ZNF292: variants seen among roughly 807,000 people sequenced by gnomAD.
ZNF292 encodes the protein 16 zinc-finger domain protein.
Under a neutral mutation model 217.9 loss-of-function variants are expected in ZNF292, and 26 were observed. That is an observed-to-expected ratio of 0.12 (90% CI 0.09 to 0.17). The LOEUF (loss-of-function observed/expected upper bound fraction) is 0.17. ZNF292 is among the 10% of genes least tolerant of loss of function. The pLI is 1.00. For missense variants in ZNF292, 2,904 were observed against 3,175.2 expected (o/e 0.91, Z 2.05); for synonymous variants, 1,257 against 1,124.1 (o/e 1.12, Z -2.37).
chr6:87,227,979 G>A (rs1033204678), intron 4 of ZNF292, among the ~76,000 whole-genome samples: 2 of 152,242 alleles, frequency 1.3e-5, no homozygotes, highest in African/African-American at 2.4e-5. Context: ...TAGCTGGATC[G>A]TATGGTAGCT....
chr6:87,259,460 T>G lies in ZNF292; in HGVS notation c.5831T>G (p.Phe1944Cys). The G allele has an allele frequency of 6.3e-7, 1 of 1,589,218 alleles. No individual in the cohort carries two copies. Among genetic ancestry groups the G allele is most frequent in the Non-Finnish European group, 8.6e-7 (1 of 1,166,392 alleles). Residue 1944 changes from phenylalanine (F) to cysteine (C), a missense_variant, in exon 8 of 8, where the codon TTT becomes TGT. Physicochemically the swap from Phe to Cys is radical, Grantham distance 205 (BLOSUM62 -2). This residue lies in a region of ZNF292 where 50 missense variants were observed against 90.5 expected (regional missense o/e 0.55). Transcript: ENST00000369577. ...GAAATTAAGAAGAATCAATTGAAAT[T>G]TGCTCCCTTTAAATGTGTAGTACCT... Reference protein sequence around the residue: ...ILEIKKNQLKFAPFKCVVPTC... With the variant: ...ILEIKKNQLKCAPFKCVVPTC...
In ZNF292 at chr6:87,263,989, G is replaced by A. The variant is rs964042448; in HGVS notation, c.*2188G>A. On this transcript the variant is annotated 3_prime_UTR_variant, in exon 8 of 8. Transcript: ENST00000369577. ...TTCTAATTGTTTTACATGTCATGGG[G>A]AAGAGTTTGCCAACATTTAATGAAA... 2.0e-5 allele frequency: 3 copies of A among 152,036 alleles called. No individual in the cohort carries two copies. Among genetic ancestry groups the A allele is most frequent in the Admixed American group, 1.3e-4 (2 of 15,262 alleles). 9.4% of individuals were successfully genotyped at this position (152,036 alleles called of 1,614,324 possible). A position where few individuals can be genotyped will look rare whatever the true frequency, so the allele number is the denominator to read the frequency against.
At chr6:87,240,185 A>G (rs1774197883) in intron 5 of ZNF292, among the ~76,000 whole-genome samples, 1 of 152,152 alleles carries the variant, frequency 6.6e-6, no homozygotes, top group African/African-American at 2.4e-5. Context: ...CCCCGTCTCC[A>G]CCAAAAAAAT....
chr6:87,163,437 C>T (rs1174534372), intron 1 of ZNF292, among the ~76,000 whole-genome samples: 2 of 150,852 alleles, frequency 1.3e-5, no homozygotes, highest in Admixed American at 6.6e-5. Flanking sequence ...GGTGACAGAT[C>T]GAGACTTCGC....
intron 1 of ZNF292, among the ~76,000 whole-genome samples, chr6:87,210,366 C>CT (rs760049985): frequency 6.6e-6 from 1 of 152,026 alleles, no homozygotes; most frequent in Non-Finnish European, 1.5e-5. Flanking sequence ...CAAAAGTCTC[C>CT]TTAAGAGGGG....
chr6:87,251,755 A>G (rs1217242999), intron 7 of ZNF292, among the ~76,000 whole-genome samples: 1 of 152,260 alleles, frequency 6.6e-6, no homozygotes, highest in Non-Finnish European at 1.5e-5. Flanking sequence ...CTTATTTTCA[A>G]GTACACACAT....
At chr6:87,251,759 C>T (rs1774930696) in intron 7 of ZNF292, among the ~76,000 whole-genome samples, 2 of 152,094 alleles carry the variant, frequency 1.3e-5, no homozygotes, top group African/African-American at 4.8e-5. Flanking sequence ...TTTTCAAGTA[C>T]ACACATGAAA....
At chr6:87,189,579 T>C (rs1486115687) in intron 1 of ZNF292, among the ~76,000 whole-genome samples, 2 of 152,174 alleles carry the variant, frequency 1.3e-5, no homozygotes, top group Non-Finnish European at 2.9e-5. Context: ...TAATGTATTA[T>C]GTAGAATATA....
chr6:87,206,067 A>G (rs1230149509), intron 1 of ZNF292, among the ~76,000 whole-genome samples: 7 of 152,186 alleles, frequency 4.6e-5, no homozygotes, highest in Non-Finnish European at 1.5e-5. Flanking sequence ...GAGCAACAGG[A>G]TGACATCTAC....
chr6:87,231,774 AGT>A (rs1562158971), intron 4 of ZNF292, among the ~76,000 whole-genome samples: 1 of 152,114 alleles, frequency 6.6e-6, no homozygotes. Context: ...GATCTTTTAG[AGT>A]GTGTTGATTG....
At position 87,260,182 on chromosome 6, in the gene ZNF292, G is replaced by A. The variant is rs1304796731; in HGVS notation, c.6553G>A (p.Ala2185Thr). Residue 2185 changes from alanine to threonine, a missense_variant, in exon 8 of 8, where the codon GCA becomes ACA. This residue lies in a region of ZNF292 where 261 missense variants were observed against 272.8 expected (regional missense o/e 0.96). Transcript: ENST00000369577. ...AAGTGACTGTTCTCGAATTTTCCAA[G>A]CAATTACTGGCCTAATACAACACTA... is the stretch of plus-strand genomic sequence containing the variant. Reference protein sequence around the residue: ...QVSDCSRIFQAITGLIQHYMK... With the variant: ...QVSDCSRIFQTITGLIQHYMK... 1.2e-6 allele frequency: 2 copies of A among 1,612,636 alleles called. No homozygotes were observed. Among genetic ancestry groups the A allele is most frequent in the African/African-American group, 2.7e-5 (2 of 74,868 alleles).
At chr6:87,238,824 T>C (rs552791351) in intron 5 of ZNF292, among the ~76,000 whole-genome samples, 1 of 151,730 alleles carries the variant, frequency 6.6e-6, no homozygotes, top group South Asian at 2.1e-4. Context: ...CAGAGGACCC[T>C]GGGGCCTTCC....
chr6:87,262,883 A>G lies in ZNF292; in HGVS notation c.*1082A>G, dbSNP rs1401180797. The G allele has an allele frequency of 6.6e-6, 1 of 152,036 alleles. No individual in the cohort carries two copies. The highest frequency in any genetic ancestry group is 1.9e-4 in the East Asian group (1 of 5,200). 9.4% of individuals were successfully genotyped at this position (152,036 alleles called of 1,614,324 possible). A position where few individuals can be genotyped will look rare whatever the true frequency, so the allele number is the denominator to read the frequency against. On this transcript the variant is annotated 3_prime_UTR_variant, in exon 8 of 8. Coordinates refer to ENST00000369577, the MANE Select transcript of ZNF292 (RefSeq NM_015021.3). ...AACATTTTTATAAATCTTAAAATTGATATCATCAAAGTGAGCCCATCTTGT... is the reference window on the plus strand; with the variant it reads ...AACATTTTTATAAATCTTAAAATTGGTATCATCAAAGTGAGCCCATCTTGT...
In ZNF292 at chr6:87,257,218, G is replaced by C. The variant is rs140831084; in HGVS notation, c.3589G>C (p.Ala1197Pro). The change falls in exon 8 of 8, where the codon GCA becomes CCA. Residue 1197 changes from alanine (A) to proline (P), a missense_variant. Transcript: ENST00000369577. ...GCCACCCATTTTTCCAGCTCATTTAGCAAGTGTGTCAACTCCATTGTTGTC... is the reference window on the plus strand; with the variant it reads ...GCCACCCATTTTTCCAGCTCATTTACCAAGTGTGTCAACTCCATTGTTGTC... ...VSPPIFPAHL[A>P]SVSTPLLSSM... 322 of 1,613,798 alleles carry C rather than the reference G, an allele frequency of 2.0e-4. No individual in the cohort carries two copies. In the African/African-American group the frequency reaches 3.9e-3, roughly 20 times the overall value.
chr6:87,178,813 G>T (rs1048081763), intron 1 of ZNF292, among the ~76,000 whole-genome samples: 1 of 152,028 alleles, frequency 6.6e-6, no homozygotes, highest in Non-Finnish European at 1.5e-5. Flanking sequence ...TGTGATTGTT[G>T]AAGTTTGCTT....
chr6:87,176,174 G>A (rs1037755494), intron 1 of ZNF292, among the ~76,000 whole-genome samples: 1 of 152,164 alleles, frequency 6.6e-6, no homozygotes, highest in Non-Finnish European at 1.5e-5. Flanking sequence ...ATTAAGAAGA[G>A]AAAATAACAC....
At chr6:87,229,804 A>G (rs537989893) in intron 4 of ZNF292, among the ~76,000 whole-genome samples, 36 of 152,372 alleles carry the variant, frequency 2.4e-4, no homozygotes, top group Non-Finnish European at 4.7e-4. Context: ...TTTGAAAGCA[A>G]TGGAACCACT....
At position 87,257,187 on chromosome 6, in the gene ZNF292, T is replaced by C; in HGVS notation, c.3558T>C (p.His1186=). The change falls in exon 8 of 8, where the codon CAT becomes CAC. Residue 1186 remains histidine (H), a synonymous_variant. Coordinates refer to ENST00000369577, the MANE Select transcript of ZNF292 (RefSeq NM_015021.3). ...GNPACSAQLQ[H]VSPPIFPAHL... is the part of the protein sequence containing the mutation. ...CTGCTTGTTCGGCCCAGTTGCAGCA[T>C]GTCTCGCCACCCATTTTTCCAGCTC... The C allele has an allele frequency of 6.2e-7, 1 of 1,613,912 alleles. No individual in the cohort carries two copies. The highest frequency in any genetic ancestry group is 8.5e-7 in the Non-Finnish European group (1 of 1,179,854).
chr6:87,254,575 C>A lies in ZNF292; in HGVS notation c.1021-75C>A. ...AGATTTGAGTAAAACAAATCTCAAT[C>A]TTAACTAAATTCTGAAATAAATTAG... On this transcript the variant is annotated intron_variant, in intron 7 of 7. Transcript: ENST00000369577. 2 of 1,392,492 alleles carry A rather than the reference C, an allele frequency of 1.4e-6. 1 individual carries two copies. The highest frequency in any genetic ancestry group is 2.8e-5 in the South Asian group (2 of 70,680). The allele number at this position is 1,392,492 out of a possible 1,614,324, so 86.3% of individuals were successfully genotyped here.
Sources: gnomAD v4.1 joint callset for allele counts (sites outside exome capture counted in the v4.1 genomes callset) on GRCh38, gnomAD v4.1.1 for gene constraint, gnomAD v4.1.1 regional missense constraint, MANE v1.5 for transcripts, NCBI Gene and HGNC (gene_info 2026-07-23, HGNC 2026-07-21) for gene names.